The following UBE4A variants were observed in gnomAD, a reference collection of about 807,000 sequenced individuals.
UBE4A encodes the protein ubiquitin conjugation factor E4 A.
In UBE4A, 48 loss-of-function variants were observed where a neutral mutation model predicts 117.9. The observed-to-expected ratio is 0.41, with a 90% CI of 0.32 to 0.52. The LOEUF is 0.52. Among genes scored for constraint, UBE4A ranks in the 20% least tolerant of loss-of-function variants. The pLI is 0.33. For missense variants in UBE4A, 1,067 were observed against 1,296.3 expected (o/e 0.82, Z 2.72); for synonymous variants, 407 against 450.0 (o/e 0.90, Z 1.21).
chr11:118,396,570 A>C lies in UBE4A; in HGVS notation c.*130A>C, dbSNP rs1388014768. 3 of 1,003,858 alleles carry C rather than the reference A, an allele frequency of 3.0e-6. No homozygotes were observed. Among genetic ancestry groups the C allele is most frequent in the Non-Finnish European group, 4.1e-6 (3 of 731,406 alleles). The allele number at this position is 1,003,858 out of a possible 1,614,324, so 62.2% of individuals were successfully genotyped here. A position where few individuals can be genotyped will look rare whatever the true frequency, so the allele number is the denominator to read the frequency against. On this transcript the variant is annotated 3_prime_UTR_variant, in exon 20 of 20. Transcript: ENST00000252108. ...TTCTTTTTTTTTTTTTTTTTTACTA[A>C]ATTAGAGAACTGCTCTTGCTGAAAT... is the stretch of plus-strand genomic sequence containing the variant.
chr11:118,396,197 A>G (rs962928009), intron 19 of UBE4A, 117 bp from the exon 20 acceptor site: 6 of 1,331,196 alleles, frequency 4.5e-6, no homozygotes, highest in South Asian at 1.6e-5. Context: ...ATTTGACTCA[A>G]AGTTATAATG....
At chr11:118,379,256 T>TA (rs782654452) in intron 10 of UBE4A, among the ~76,000 whole-genome samples, 190 bp from the exon 11 acceptor site, 25 of 152,242 alleles carry the variant, frequency 1.6e-4, no homozygotes, top group Admixed American at 5.2e-4. Context: ...GTTGAATACT[T>TA]GGCAGCATTT....
In UBE4A at chr11:118,396,415, A is replaced by G. The variant is rs782543718; in HGVS notation, c.3176A>G (p.Lys1059Arg). 3 of 1,613,950 alleles carry G rather than the reference A, an allele frequency of 1.9e-6. No homozygotes were observed. The highest frequency in any genetic ancestry group is 1.7e-4 in the Middle Eastern group (1 of 6,060). Residue 1059 changes from lysine to arginine, a missense_variant, in exon 20 of 20, where the codon AAA (lysine) becomes AGA (arginine). Lys to Arg is a conservative substitution (Grantham distance 26). Around this residue, in one of 3 missense-constraint regions of UBE4A, gnomAD observed 32 missense variants for 34.5 expected, o/e 0.93. Coordinates refer to ENST00000252108, the MANE Select transcript of UBE4A (RefSeq NM_001204077.2). ...EKIQRWLAER[K>R]QQKEQLE is the part of the protein sequence containing the mutation. The stretch of plus-strand genomic sequence containing the variant: ...ATCCAACGGTGGCTTGCAGAGAGGA[A>G]ACAACAAAAGGAGCAACTTGAATAG...
rs1555129707 is a variant in UBE4A at position 118,396,338 on chromosome 11, T to C, written c.3099T>C (p.Arg1033=). The C allele has an allele frequency of 2.5e-6, 4 of 1,613,750 alleles. No homozygotes were observed. Among genetic ancestry groups the C allele is most frequent in the Non-Finnish European group, 3.4e-6 (4 of 1,179,832 alleles). Residue 1033 remains arginine, a synonymous_variant, in exon 20 of 20, where the codon CGT becomes CGC. Coordinates refer to ENST00000252108, the MANE Select transcript of UBE4A (RefSeq NM_001204077.2). ...LLSDQTDPFN[R]SPLTMDQIRP... is the part of the protein sequence containing the mutation. ...GTGACCAAACAGATCCCTTTAACCG[T>C]AGTCCCCTCACCATGGACCAGATCC...
rs1565543388 is a variant in UBE4A, at chr11:118,398,343, TTTC to T, written c.*1909_*1911del. On this transcript the variant is annotated 3_prime_UTR_variant, in exon 20 of 20. Transcript: ENST00000252108. ...GATTGTAAGCCTTTTCTGGCAAGCT[TTTC>T]TTCTTTTTTTAAACTCTTTTCCTGA... is the stretch of plus-strand genomic sequence containing the variant. The T allele has an allele frequency of 6.6e-6, 1 of 152,606 alleles. No individual in the cohort carries two copies. Among genetic ancestry groups the T allele is most frequent in the Non-Finnish European group, 1.5e-5 (1 of 68,052 alleles). The allele number at this position is 152,606 out of a possible 1,614,324, so 9.5% of individuals were successfully genotyped here. A position where few individuals can be genotyped will look rare whatever the true frequency, so the allele number is the denominator to read the frequency against.
chr11:118,372,528 C>T lies in UBE4A; in HGVS notation c.583C>T (p.Leu195=), dbSNP rs1295342942. Residue 195 remains leucine (L), a synonymous_variant, in exon 6 of 20, where the codon CTG becomes TTG. Transcript: ENST00000252108. ...GCAGATTACCAAAGTTCCAGAGAACCTGCTACCCTTTGCAGTGCAGTGCAG... is the reference window on the plus strand; with the variant it reads ...GCAGATTACCAAAGTTCCAGAGAACTTGCTACCCTTTGCAGTGCAGTGCAG... ...KEEITKVPEN[L]LPFAVQCRNL... is the part of the protein sequence containing the mutation. 4 of 1,609,134 alleles carry T rather than the reference C, an allele frequency of 2.5e-6. No individual in the cohort carries two copies. The African/African-American group carries it at 5.4e-5, about 22-fold the overall frequency.
At chr11:118,381,273 C>A in intron 11 of UBE4A, 118 bp from the exon 12 acceptor site, 1 of 1,309,660 alleles carries the variant, frequency 7.6e-7, no homozygotes, top group Non-Finnish European at 1.0e-6. Context: ...CTAGTACCAA[C>A]AAAACATTTA....
At chr11:118,374,773 C>A in intron 8 of UBE4A, 123 bp from the exon 9 acceptor site, 2 of 888,180 alleles carry the variant, frequency 2.3e-6, no homozygotes, top group Non-Finnish European at 3.2e-6. Flanking sequence ...GGGGATGAGG[C>A]ACAGAGAGTG....
In UBE4A at chr11:118,376,632, C is replaced by T. The variant is rs1948654963; in HGVS notation, c.1509C>T (p.Asn503=). The change falls in exon 10 of 20, where the codon AAC becomes AAT. Residue 503 remains asparagine (N), a synonymous_variant. Transcript: ENST00000252108. ...TGCAGGAGCCGAAGTTTCCACAGAA[C>T]TACAACCTTGTAACAGAGAACCTTG... is the stretch of plus-strand genomic sequence containing the variant. ...PAVQEPKFPQ[N]YNLVTENLAL... The T allele has an allele frequency of 6.2e-7, 1 of 1,613,938 alleles. No homozygotes were observed. Among genetic ancestry groups the T allele is most frequent in the Non-Finnish European group, 8.5e-7 (1 of 1,179,978 alleles).
At position 118,359,692 on chromosome 11, in the gene UBE4A, T is replaced by C. The variant is rs1363984660; in HGVS notation, c.-42+18T>C. The C allele has an allele frequency of 3.9e-5, 6 of 152,128 alleles. No homozygotes were observed. 9.4% of individuals were successfully genotyped at this position (152,128 alleles called of 1,614,324 possible). A position where few individuals can be genotyped will look rare whatever the true frequency, so the allele number is the denominator to read the frequency against. Reference sequence around the variant, plus strand: ...AGGCTCTGGTAAGACAGGCAATAGCTTCAGGGGACGGGGTCGTTGACTTTG... The same window carrying C: ...AGGCTCTGGTAAGACAGGCAATAGCCTCAGGGGACGGGGTCGTTGACTTTG... On this transcript the variant is annotated intron_variant, in intron 1 of 19. Transcript: ENST00000252108.
chr11:118,384,790 A>T, intron 14 of UBE4A, 42 bp from the exon 15 acceptor site: 3 of 1,611,550 alleles, frequency 1.9e-6, no homozygotes, highest in Non-Finnish European at 2.5e-6. Flanking sequence ...ATGAGTTGTA[A>T]TTCAGTACTA....
chr11:118,363,466 CTAAT>C (rs1291404369), intron 1 of UBE4A, among the ~76,000 whole-genome samples: 2 of 152,124 alleles, frequency 1.3e-5, no homozygotes, highest in Non-Finnish European at 2.9e-5. Flanking sequence ...GTCATTACAG[CTAAT>C]TAGCCGTTAG....
chr11:118,372,016 T>G (rs1948614090), intron 5 of UBE4A, among the ~76,000 whole-genome samples: 1 of 152,134 alleles, frequency 6.6e-6, no homozygotes, highest in South Asian at 2.1e-4. Flanking sequence ...TCCCAGCACT[T>G]TGGGAGGCCG....
At chr11:118,364,165 T>C (rs570754816) in intron 1 of UBE4A, among the ~76,000 whole-genome samples, 28 of 152,220 alleles carry the variant, frequency 1.8e-4, no homozygotes, top group African/African-American at 6.5e-4. Flanking sequence ...AGAAAGCCTT[T>C]CAGGGAGCCC....
Position 118,376,602 on chromosome 11 carries a change from A to T in UBE4A, c.1479A>T (p.Pro493=). The change falls in exon 10 of 20, where the codon CCA becomes CCT. Residue 493 remains proline (P), a synonymous_variant. Transcript: ENST00000252108. ...RGLDKETCLI[P]AVQEPKFPQN... ...TGGACAAAGAAACCTGTTTGATCCC[A>T]GCTGTGCAGGAGCCGAAGTTTCCAC... is the stretch of plus-strand genomic sequence containing the variant. The T allele has an allele frequency of 6.2e-7, 1 of 1,613,884 alleles. No individual in the cohort carries two copies. Among genetic ancestry groups the T allele is most frequent in the Non-Finnish European group, 8.5e-7 (1 of 1,179,956 alleles).
At position 118,398,025 on chromosome 11, in the gene UBE4A, ATTTG is replaced by A. The variant is rs1430134160; in HGVS notation, c.*1589_*1592del. The A allele has an allele frequency of 6.6e-6, 1 of 152,602 alleles. No individual in the cohort carries two copies. The highest frequency in any genetic ancestry group is 1.5e-5 in the Non-Finnish European group (1 of 68,022). The allele number at this position is 152,602 out of a possible 1,614,324, so 9.5% of individuals were successfully genotyped here. On this transcript the variant is annotated 3_prime_UTR_variant, in exon 20 of 20. Transcript: ENST00000252108. ...GGCCTTTATGGCATGGGTTGACAGG[ATTTG>A]TTTATTTTCTAAAATTAGCTTCATT...
At chr11:118,376,065 C>T (rs898814886) in intron 9 of UBE4A, among the ~76,000 whole-genome samples, 1 of 151,928 alleles carries the variant, frequency 6.6e-6, no homozygotes, top group African/African-American at 2.4e-5. Flanking sequence ...TGGTGAGAGG[C>T]TCAATGTGGC....
intron 1 of UBE4A, among the ~76,000 whole-genome samples, chr11:118,363,306 CCG>C (rs1480490634): frequency 6.6e-6 from 1 of 152,146 alleles, no homozygotes; most frequent in African/African-American, 2.4e-5. Context: ...CTTTGGGAGG[CCG>C]CGGTGGGAGG....
Position 118,373,596 on chromosome 11 carries a change from C to T in UBE4A, c.1027C>T (p.Pro343Ser). 1 of 1,614,166 alleles carries T rather than the reference C, an allele frequency of 6.2e-7. No individual in the cohort carries two copies. The highest frequency in any genetic ancestry group is 8.5e-7 in the Non-Finnish European group (1 of 1,180,038). ...ILSISCLLKTPGVVENHGYFL... is the reference protein window; with the variant it reads ...ILSISCLLKTSGVVENHGYFL... ...GAGTATCTCCTGCTTATTAAAGACT[C>T]CGGGTGTTGTAGAAAATCATGGCTA... Residue 343 changes from proline (P) to serine (S), a missense_variant, in exon 8 of 20, where the codon CCG becomes TCG. Transcript: ENST00000252108.
Sources: allele counts gnomAD v4.1 joint callset (sites outside exome capture counted in the v4.1 genomes callset), GRCh38; gene constraint gnomAD v4.1.1; regional missense constraint gnomAD v4.1.1; transcripts MANE v1.5; gene names NCBI Gene and HGNC (gene_info 2026-07-23, HGNC 2026-07-21).